PHB1: variants seen among roughly 807,000 people sequenced by gnomAD.
PHB1 encodes the protein epididymis luminal protein 215.
At chr17:49,407,263 G>A in the PHB1 span, 4 of 175,696 alleles carry the variant, frequency 2.3e-5, no homozygotes, top group African/African-American at 9.4e-5. Context: ...AGGAAGGCCA[G>A]ATGGAAAACA....
the PHB1 span, among the ~76,000 whole-genome samples, chr17:49,406,403 C>T: frequency 3.3e-5 from 5 of 152,196 alleles, no homozygotes; most frequent in African/African-American, 9.7e-5. Context: ...TCTGGTGCAA[C>T]GTTTGATCTT....
the PHB1 span, among the ~76,000 whole-genome samples, chr17:49,405,714 G>A: frequency 6.6e-6 from 1 of 152,108 alleles, no homozygotes; most frequent in Non-Finnish European, 1.5e-5. Context: ...GGCCAAGGCT[G>A]CAGTGAGCTA....
At chr17:49,408,001 TG>T in the PHB1 span, among the ~76,000 whole-genome samples, 3 of 152,282 alleles carry the variant, frequency 2.0e-5, no homozygotes, top group Admixed American at 1.3e-4. Flanking sequence ...TAGGGTTTCT[TG>T]TGGTCAGCCC....
chr17:49,410,078 T>G, the PHB1 span, among the ~76,000 whole-genome samples: 2,023 of 151,566 alleles, frequency 0.013, 28 homozygotes, highest in Non-Finnish European at 0.023. Flanking sequence ...AGCTGGGGTT[T>G]CGCCATATTT....
chr17:49,405,736 T>C, the PHB1 span, among the ~76,000 whole-genome samples: 1 of 151,914 alleles, frequency 6.6e-6, no homozygotes, highest in Non-Finnish European at 1.5e-5. Context: ...GATCATGCCA[T>C]TGCACTCCAG....
At chr17:49,409,532 GTTTT>G in the PHB1 span, 19 of 744,840 alleles carry the variant, frequency 2.6e-5, 1 homozygote, top group Admixed American at 4.3e-4. Flanking sequence ...GAAAACAAGT[GTTTT>G]TTTTTTGTTT....
At chr17:49,411,918 T>G in the PHB1 span, 1 of 1,310,670 alleles carries the variant, frequency 7.6e-7, no homozygotes, top group Non-Finnish European at 1.1e-6. Context: ...GAAAGAGCCC[T>G]GGTGCTTTCT....
At chr17:49,413,114 C>A in the PHB1 span, 1 of 1,190,902 alleles carries the variant, frequency 8.4e-7, no homozygotes, top group Non-Finnish European at 1.2e-6. Flanking sequence ...GTCACATGGG[C>A]TATGCAGACC....
At chr17:49,405,025 C>T in the PHB1 span, 29 of 1,562,186 alleles carry the variant, frequency 1.9e-5, no homozygotes, top group Admixed American at 2.5e-4. Flanking sequence ...CGGACTGCCC[C>T]GCTGGCAGGT....
the PHB1 span, chr17:49,404,826 A>C: frequency 3.3e-6 from 2 of 607,940 alleles, no homozygotes; most frequent in Non-Finnish European, 5.9e-6. Flanking sequence ...GTTTCATTTG[A>C]TAGACTAATT....
the PHB1 span, among the ~76,000 whole-genome samples, chr17:49,410,039 C>T: frequency 3.3e-5 from 5 of 152,074 alleles, no homozygotes; most frequent in Admixed American, 6.6e-5. Flanking sequence ...CAGACCACCA[C>T]GCCCAGCTAA....
chr17:49,411,354 C>T, the PHB1 span, among the ~76,000 whole-genome samples: 5 of 152,010 alleles, frequency 3.3e-5, no homozygotes, highest in East Asian at 9.6e-4. Flanking sequence ...GCACCCCCCA[C>T]CACCGGCTAA....
chr17:49,413,511 C>CTTT, the PHB1 span, among the ~76,000 whole-genome samples: 1 of 106,154 alleles, frequency 9.4e-6, no homozygotes, highest in Non-Finnish European at 1.9e-5. Context: ...TCTTTTCTTT[C>CTTT]CTTTTTTTTT....
the PHB1 span, among the ~76,000 whole-genome samples, chr17:49,411,180 T>C: frequency 2.7e-5 from 4 of 148,026 alleles, no homozygotes; most frequent in Admixed American, 6.8e-5. Flanking sequence ...TCCAAAGAGA[T>C]GGGAAGATTA....
At chr17:49,405,312 C>T in the PHB1 span, 14 of 912,654 alleles carry the variant, frequency 1.5e-5, no homozygotes, top group Non-Finnish European at 2.2e-5. Context: ...CCTGAAGGAA[C>T]TCGGGGAGTT....
chr17:49,413,290 A>G, the PHB1 span: 2 of 1,559,072 alleles, frequency 1.3e-6, no homozygotes, highest in Admixed American at 3.4e-5. Flanking sequence ...ACCCTCTCAC[A>G]CCTAAGGGGA....
the PHB1 span, chr17:49,411,827 T>C: frequency 1.9e-6 from 3 of 1,613,918 alleles, no homozygotes; most frequent in Non-Finnish European, 2.5e-6. Flanking sequence ...GACAGCTCTG[T>C]GCCCAGCATC....
At chr17:49,410,647 G>A in the PHB1 span, among the ~76,000 whole-genome samples, 12 of 152,294 alleles carry the variant, frequency 7.9e-5, no homozygotes, top group African/African-American at 2.9e-4. Flanking sequence ...AGGTTAGTTC[G>A]GGTCTGGTGG....
At chr17:49,408,921 T>G in the PHB1 span, 1 of 692,178 alleles carries the variant, frequency 1.4e-6, no homozygotes, top group East Asian at 2.6e-5. Flanking sequence ...TTCCGTGTTT[T>G]CAAGTCTCAC....
Sources: gnomAD v4.1 joint callset for allele counts (sites outside exome capture counted in the v4.1 genomes callset) on GRCh38, gnomAD v4.1.1 for gene constraint, MANE v1.5 for transcripts, NCBI Gene and HGNC (gene_info 2026-07-23, HGNC 2026-07-21) for gene names.